PSMD4: variants seen among roughly 807,000 people sequenced by gnomAD.
PSMD4 encodes 26S proteasome non-ATPase regulatory subunit 4.
In PSMD4, 5 loss-of-function variants were observed where a neutral mutation model predicts 39.7. The observed-to-expected ratio is 0.13, with a 90% CI of 0.07 to 0.26. PSMD4 has a LOEUF of 0.26. Ranked by LOEUF, PSMD4 falls within the 10% of genes least tolerant of loss-of-function variation. The pLI is 1.00. For synonymous variants in PSMD4, 143 were observed against 174.6 expected (o/e 0.82, Z 1.43); for missense variants, 272 against 486.1 (o/e 0.56, Z 4.14).
At chr1:151,258,569 T>C (rs1426890427) in intron 1 of PSMD4, among the ~76,000 whole-genome samples, 1 of 145,582 alleles carries the variant, frequency 6.9e-6, no homozygotes, top group Non-Finnish European at 1.5e-5. Flanking sequence ...CAAGTGATCC[T>C]CCTGCCTCAG....
intron 1 of PSMD4, among the ~76,000 whole-genome samples, chr1:151,257,715 C>CTTT (rs71090149): frequency 0.022 from 1,929 of 88,654 alleles, 66 homozygotes; most frequent in Admixed American, 0.066. Flanking sequence ...ACCTGGCTTT[C>CTTT]TTTTTTTTTT....
intron 9 of PSMD4, 143 bp downstream of exon 9, chr1:151,266,730 C>T (rs1693457982): frequency 9.6e-7 from 1 of 1,038,732 alleles, no homozygotes; most frequent in African/African-American, 1.6e-5. Flanking sequence ...TACATGTAAA[C>T]CTTGCTAAGG....
intron 1 of PSMD4, among the ~76,000 whole-genome samples, chr1:151,261,459 G>A (rs1189797197): frequency 6.6e-6 from 1 of 152,106 alleles, no homozygotes. Flanking sequence ...ACAGACATGA[G>A]CCACCGCGCC....
At chr1:151,266,685 G>A in intron 9 of PSMD4, 98 bp downstream of exon 9, 1 of 1,366,390 alleles carries the variant, frequency 7.3e-7, no homozygotes, top group Non-Finnish European at 1.0e-6. Flanking sequence ...TAAGTCCTTT[G>A]AGGAGCAGAG....
At chr1:151,255,314 C>T (rs143087374) in intron 1 of PSMD4, among the ~76,000 whole-genome samples, 1 of 152,324 alleles carries the variant, frequency 6.6e-6, no homozygotes, top group Non-Finnish European at 1.5e-5. Flanking sequence ...CTCACAACCA[C>T]ACCTTAAGGT....
At chr1:151,263,493 A>G (rs1237992703) in intron 2 of PSMD4, among the ~76,000 whole-genome samples, 1 of 149,892 alleles carries the variant, frequency 6.7e-6, no homozygotes, top group East Asian at 2.0e-4. Context: ...AGAGATTACA[A>G]TTAGAATAGA....
At chr1:151,263,419 C>T (rs1693354581) in intron 2 of PSMD4, among the ~76,000 whole-genome samples, 2 of 149,742 alleles carry the variant, frequency 1.3e-5, no homozygotes, top group South Asian at 2.1e-4. Context: ...AGCTGAGATT[C>T]GCCACTGCAC....
intron 4 of PSMD4, 98 bp downstream of exon 4, chr1:151,265,016 A>G (rs1693397115): frequency 3.0e-6 from 4 of 1,353,260 alleles, no homozygotes; most frequent in Non-Finnish European, 3.1e-6. Context: ...CAGGCTCATC[A>G]CTTTGGGGAA....
intron 5 of PSMD4, 40 bp downstream of exon 5, chr1:151,265,274 T>G: frequency 1.2e-6 from 2 of 1,601,980 alleles, no homozygotes; most frequent in East Asian, 4.5e-5. Context: ...CTTAATTTGG[T>G]CATAAACAGA....
chr1:151,259,979 A>G (rs1693277461), intron 1 of PSMD4, among the ~76,000 whole-genome samples: 2 of 152,046 alleles, frequency 1.3e-5, no homozygotes, highest in African/African-American at 2.4e-5. Context: ...TGGGTGGATC[A>G]CCTGAGGTTG....
At chr1:151,264,703 G>C (rs937144807) in intron 3 of PSMD4, 129 bp from the exon 4 acceptor site, 3 of 693,340 alleles carry the variant, frequency 4.3e-6, no homozygotes, top group Non-Finnish European at 7.7e-6. Context: ...GTTAAATCTT[G>C]TGTGAACGTG....
intron 2 of PSMD4, chr1:151,262,613 G>T: frequency 3.3e-6 from 1 of 305,278 alleles, no homozygotes; most frequent in Non-Finnish European, 6.4e-6. Flanking sequence ...AGTGGCTCAT[G>T]TCTGTAATCC....
rs140690758 is a variant in PSMD4, at chr1:151,266,536, A to G, written c.912A>G (p.Glu304=). 3 of 1,614,102 alleles carry G rather than the reference A, an allele frequency of 1.9e-6. No individual in the cohort carries two copies. The African/African-American group carries it at 4.0e-5, about 22-fold the overall frequency. ...SLQGAEFGQA[E]SADIDASSAM... ...CTTCCTCAGAGTTTGGCCAGGCGGAATCAGCAGACATTGATGCCAGCTCAG... is the reference window on the plus strand; with the variant it reads ...CTTCCTCAGAGTTTGGCCAGGCGGAGTCAGCAGACATTGATGCCAGCTCAG... Residue 304 remains glutamate (E), a synonymous_variant, in exon 9 of 10, where the codon GAA becomes GAG. Coordinates refer to ENST00000368884, the MANE Select transcript of PSMD4 (RefSeq NM_002810.4).
chr1:151,264,084 A>T (rs1251586598), intron 3 of PSMD4, 56 bp downstream of exon 3: 7 of 1,313,218 alleles, frequency 5.3e-6, no homozygotes, highest in Non-Finnish European at 7.5e-6. Flanking sequence ...TCCTGCCTCC[A>T]TCATACTCAT....
intron 9 of PSMD4, 99 bp downstream of exon 9, chr1:151,266,686 AG>A: frequency 7.3e-7 from 1 of 1,366,390 alleles, no homozygotes; most frequent in Non-Finnish European, 1.0e-6. Context: ...AAGTCCTTTG[AG>A]GAGCAGAGGG....
At chr1:151,266,998 A>G in intron 9 of PSMD4, 175 bp from the exon 10 acceptor site, 3 of 794,608 alleles carry the variant, frequency 3.8e-6, no homozygotes, top group Non-Finnish European at 4.5e-6. Flanking sequence ...AACTGCATTC[A>G]TGCTGTATAA....
At chr1:151,256,354 AAATAATAATAAAATAAAT>A (rs1194353545) in intron 1 of PSMD4, among the ~76,000 whole-genome samples, 3 of 44,892 alleles carry the variant, frequency 6.7e-5, no homozygotes, top group Non-Finnish European at 1.4e-4. Flanking sequence ...AAAAAAAAAA[AAATAATAATAAAATAAAT>A]AAATAAATAA....
In PSMD4 at chr1:151,267,037, C is replaced by T. The variant is rs190169753; in HGVS notation, c.964-136C>T. On this transcript the variant is annotated intron_variant, in intron 9 of 9. Coordinates refer to ENST00000368884, the MANE Select transcript of PSMD4 (RefSeq NM_002810.4). ...ATTTTGCTGACTTGTCCTTTCCTTA[C>T]GTCGACCAGAGGTGCCCAGATCCCC... 1,810 of 1,057,282 alleles carry T rather than the reference C, an allele frequency of 1.7e-3. 3 individuals are homozygous for T. Among genetic ancestry groups the T allele is most frequent in the Non-Finnish European group, 2.3e-3 (1,538 of 673,160 alleles). The allele number at this position is 1,057,282 out of a possible 1,614,324, so 65.5% of individuals were successfully genotyped here.
intron 1 of PSMD4, among the ~76,000 whole-genome samples, chr1:151,255,094 T>C (rs1693132693): frequency 1.3e-5 from 2 of 152,248 alleles, no homozygotes; most frequent in Non-Finnish European, 2.9e-5. Flanking sequence ...GGTCTGTCTT[T>C]AGCTACAGTT....
Sources: allele counts gnomAD v4.1 joint callset (sites outside exome capture counted in the v4.1 genomes callset), GRCh38; gene constraint gnomAD v4.1.1; transcripts MANE v1.5; gene names NCBI Gene and HGNC (gene_info 2026-07-23, HGNC 2026-07-21).